The following ACSL3 variants were observed in gnomAD, a reference collection of about 807,000 sequenced individuals.
The protein encoded by ACSL3 is acyl-CoA synthetase long chain family member 3, also known as fatty acid CoA ligase Acsl3.
ACSL3 carries 34 observed loss-of-function variants against 84.7 expected under a neutral mutation model. That is an observed-to-expected ratio of 0.40 (90% CI 0.31 to 0.53). The LOEUF (loss-of-function observed/expected upper bound fraction) is 0.53, where lower values mean the gene tolerates loss of function less well. ACSL3 is among the 20% of genes least tolerant of loss of function. ACSL3 has a pLI of 0.48. For synonymous variants in ACSL3, 315 were observed against 299.4 expected, an observed-to-expected ratio of 1.05 and a Z score of -0.54; for missense variants, 680 against 873.1, an observed-to-expected ratio of 0.78 and a Z score of 2.79.
Position 222,927,278 on chromosome 2 carries a change from G to A in ACSL3, c.1465+89G>A, listed in dbSNP as rs1696909038. 2.2e-6 allele frequency: 3 copies of A among 1,353,548 alleles called. No homozygotes were observed. The Admixed American group carries it at 6.7e-5, about 30-fold the overall frequency. The allele number at this position is 1,353,548 out of a possible 1,614,324, so 83.8% of individuals were successfully genotyped here. A position where few individuals can be genotyped will look rare whatever the true frequency, so the allele number is the denominator to read the frequency against. On this transcript the variant is annotated intron_variant, in intron 12 of 16. Transcript: ENST00000357430. ...TTTTCTGCAAATATATAGGAGAAGA[G>A]TAGTAAGGTGTTTGTGAGGCAGAAT...
chr2:222,909,778 A>G (rs935523187), intron 4 of ACSL3: 3 of 152,368 alleles, frequency 2.0e-5, no homozygotes, highest in African/African-American at 7.2e-5. Context: ...TTTCTGTAAT[A>G]TGAAGATAAT....
At chr2:222,937,975 G>T (rs1697220512) in intron 16 of ACSL3, among the ~76,000 whole-genome samples, 1 of 151,626 alleles carries the variant, frequency 6.6e-6, no homozygotes, top group Non-Finnish European at 1.5e-5. Context: ...TTTTCTTTGT[G>T]GTTGTCAATA....
chr2:222,915,793 G>A (rs1382325616), intron 4 of ACSL3, among the ~76,000 whole-genome samples: 1 of 152,162 alleles, frequency 6.6e-6, no homozygotes, highest in Admixed American at 6.5e-5. Flanking sequence ...TCCAGAGTTT[G>A]GTATGGCAAT....
intron 1 of ACSL3, among the ~76,000 whole-genome samples, chr2:222,866,770 C>CCCCCCCCG (rs1695157510): frequency 3.3e-5 from 3 of 91,924 alleles, no homozygotes; most frequent in African/African-American, 7.1e-5. Flanking sequence ...CCCCCCCCCC[C>CCCCCCCCG]CCCCCCCGCC....
chr2:222,917,170 G>C (rs1696606936), intron 5 of ACSL3, among the ~76,000 whole-genome samples: 1 of 152,066 alleles, frequency 6.6e-6, no homozygotes, highest in Admixed American at 6.5e-5. Flanking sequence ...GGTTACTGCA[G>C]CCTCTGCCTC....
intron 1 of ACSL3, among the ~76,000 whole-genome samples, chr2:222,865,979 C>T (rs1695128232): frequency 6.6e-6 from 1 of 152,190 alleles, no homozygotes; most frequent in Non-Finnish European, 1.5e-5. Context: ...ACTTTTCTGT[C>T]TCCTATTTGA....
Position 222,917,984 on chromosome 2 carries a change from AG to A in ACSL3, c.557-61del. 10 of 1,219,768 alleles carry A rather than the reference AG, an allele frequency of 8.2e-6. No homozygotes were observed. The South Asian group carries it at 1.3e-4, about 15-fold the overall frequency. 75.6% of individuals were successfully genotyped at this position (1,219,768 alleles called of 1,614,324 possible). A position where few individuals can be genotyped will look rare whatever the true frequency, so the allele number is the denominator to read the frequency against. On this transcript the variant is annotated intron_variant, in intron 5 of 16. Transcript: ENST00000357430. ...GTTATTATGATTCATCTCCACATTC[AG>A]AGACTTTACATTTGTAGTTAAATGT...
chr2:222,864,107 AAG>A (rs1695079404), intron 1 of ACSL3, among the ~76,000 whole-genome samples: 1 of 152,216 alleles, frequency 6.6e-6, no homozygotes, highest in Non-Finnish European at 1.5e-5. Flanking sequence ...GAGTGGGAGA[AAG>A]AGGTGCTAAG....
At chr2:222,928,341 G>A (rs1048714107) in intron 12 of ACSL3, among the ~76,000 whole-genome samples, 14 of 152,318 alleles carry the variant, frequency 9.2e-5, no homozygotes, top group African/African-American at 3.1e-4. Context: ...GATTAGAGAG[G>A]TGTTTTATAC....
chr2:222,938,031 T>C (rs1697221754), intron 16 of ACSL3, among the ~76,000 whole-genome samples: 1 of 152,162 alleles, frequency 6.6e-6, no homozygotes, highest in Non-Finnish European at 1.5e-5. Context: ...TATTTTAGTT[T>C]GATAGCAGCT....
In ACSL3 at chr2:222,921,358, A is replaced by G; in HGVS notation, c.884A>G (p.Lys295Arg). ...MYTSGSTGLP[K>R]GVMISHSNII... ...ACAAGTGGATCCACAGGACTTCCAA[A>G]GGGAGTCATGATCTCACATAGTAAC... Residue 295 changes from lysine to arginine, a missense_variant, in exon 8 of 17, where the codon AAG becomes AGG. Transcript: ENST00000357430. The G allele has an allele frequency of 6.2e-7, 1 of 1,604,748 alleles. No individual in the cohort carries two copies. The highest frequency in any genetic ancestry group is 8.5e-7 in the Non-Finnish European group (1 of 1,172,138).
At chr2:222,927,268 T>A in intron 12 of ACSL3, 79 bp downstream of exon 12, 2 of 1,470,356 alleles carry the variant, frequency 1.4e-6, no homozygotes, top group Non-Finnish European at 1.9e-6. Context: ...TGCAAATATA[T>A]AGGAGAAGAG....
At chr2:222,898,320 A>G (rs1041610388) in intron 2 of ACSL3, among the ~76,000 whole-genome samples, 1 of 152,222 alleles carries the variant, frequency 6.6e-6, no homozygotes, top group African/African-American at 2.4e-5. Context: ...AAATAACTCT[A>G]TAAGAATCAA....
chr2:222,893,019 ATAT>A (rs1350759316), intron 2 of ACSL3, among the ~76,000 whole-genome samples: 8 of 152,124 alleles, frequency 5.3e-5, no homozygotes, highest in Non-Finnish European at 1.0e-4. Context: ...ATGCTAAGCC[ATAT>A]TATTATTATT....
chr2:222,862,490 C>T (rs1249299657), intron 1 of ACSL3, among the ~76,000 whole-genome samples: 1 of 150,770 alleles, frequency 6.6e-6, no homozygotes, highest in African/African-American at 2.5e-5. Flanking sequence ...TTTGTTTCCC[C>T]AAATTAGTTC....
intron 1 of ACSL3, among the ~76,000 whole-genome samples, chr2:222,879,765 A>G (rs955419881): frequency 6.6e-6 from 1 of 152,184 alleles, no homozygotes; most frequent in Non-Finnish European, 1.5e-5. Context: ...GGAGATGGGG[A>G]CAGAACAGTA....
chr2:222,866,920 C>T lies in ACSL3; in HGVS notation c.-207+5662C>T, dbSNP rs961779581. Among the ~76,000 whole-genome samples, 13 of 151,288 alleles carry T rather than the reference C, an allele frequency of 8.6e-5. No individual in the cohort carries two copies. The East Asian group carries it at 2.1e-3, about 25-fold the overall frequency. On this transcript the variant is annotated intron_variant, in intron 1 of 16. Coordinates refer to ENST00000357430, the MANE Select transcript of ACSL3 (RefSeq NM_004457.5). ...TGTGATCTCTGCTCACTGCAACCTCCGCCTCCCGGGTTCAAGCAATTCTCC... is the reference window on the plus strand; with the variant it reads ...TGTGATCTCTGCTCACTGCAACCTCTGCCTCCCGGGTTCAAGCAATTCTCC...
At chr2:222,869,560 G>C (rs1476449397) in intron 1 of ACSL3, among the ~76,000 whole-genome samples, 1 of 152,230 alleles carries the variant, frequency 6.6e-6, no homozygotes, top group Non-Finnish European at 1.5e-5. Context: ...GTAAGGACAA[G>C]AGGATTTAGG....
At position 222,909,161 on chromosome 2, in the gene ACSL3, C is replaced by CTTTCA; in HGVS notation, c.378+14_378+18dup. On this transcript the variant is annotated intron_variant, in intron 4 of 16. Coordinates refer to ENST00000357430, the MANE Select transcript of ACSL3 (RefSeq NM_004457.5). ...AAAATTTTTAAAAAGGTAAGATGATCTTTCATTGCCTTTGAATTCTTTCGA... is the reference window on the plus strand; with the variant it reads ...AAAATTTTTAAAAAGGTAAGATGATCTTTCATTTCATTGCCTTTGAATTCTTTCGA... 1 of 1,585,868 alleles carries CTTTCA rather than the reference C, an allele frequency of 6.3e-7. No homozygotes were observed. The highest frequency in any genetic ancestry group is 8.5e-7 in the Non-Finnish European group (1 of 1,171,502).
Sources: gnomAD v4.1 joint callset for allele counts (sites outside exome capture counted in the v4.1 genomes callset) on GRCh38, gnomAD v4.1.1 for gene constraint, MANE v1.5 for transcripts, NCBI Gene and HGNC (gene_info 2026-07-23, HGNC 2026-07-21) for gene names.